AK5: variants seen among roughly 807,000 people sequenced by gnomAD.
The protein encoded by AK5 is adenylate kinase 5, also known as adenylate kinase isoenzyme 5.
In AK5, 27 loss-of-function variants were observed where a neutral mutation model predicts 69.5. The observed-to-expected ratio is 0.39, with a 90% CI of 0.29 to 0.54. The LOEUF is 0.54. Among genes scored for constraint, AK5 ranks in the 20% least tolerant of loss-of-function variants. The pLI, the probability that AK5 is intolerant of heterozygous loss-of-function variation, is 0.71. For synonymous variants in AK5, 260 were observed against 244.4 expected, an observed-to-expected ratio of 1.06 and a Z score of -0.60; for missense variants, 531 against 700.4, an observed-to-expected ratio of 0.76 and a Z score of 2.73.
At chr1:77,360,348 T>C (rs535212899) in intron 6 of AK5, among the ~76,000 whole-genome samples, 2 of 152,276 alleles carry the variant, frequency 1.3e-5, no homozygotes, top group South Asian at 2.1e-4. Context: ...CTGTCCAAAG[T>C]TGCTTCTCTG....
intron 10 of AK5, among the ~76,000 whole-genome samples, chr1:77,496,615 G>C (rs1416449196): frequency 6.6e-6 from 1 of 152,120 alleles, no homozygotes; most frequent in Non-Finnish European, 1.5e-5. Context: ...GTGAATGAAA[G>C]GACCTGAGCA....
At chr1:77,370,699 G>A (rs1227275516) in intron 6 of AK5, among the ~76,000 whole-genome samples, 2 of 152,148 alleles carry the variant, frequency 1.3e-5, no homozygotes, top group Admixed American at 1.3e-4. Flanking sequence ...AGAGTGGAAG[G>A]AAAGAAGTCT....
At position 77,282,918 on chromosome 1, in the gene AK5, C is replaced by A; in HGVS notation, c.60+545C>A. On this transcript the variant is annotated intron_variant, in intron 1 of 13. Transcript: ENST00000354567. ...CCCAACCTATCAAGTGCCACCTCCC[C>A]GGTGACAGGCCCCCAGCCTTGCTCT... is the stretch of plus-strand genomic sequence containing the variant. 8 of 985,990 alleles carry A rather than the reference C, an allele frequency of 8.1e-6. No homozygotes were observed. The South Asian group carries it at 3.8e-4, about 46-fold the overall frequency. 61.1% of individuals were successfully genotyped at this position (985,990 alleles called of 1,614,324 possible).
chr1:77,414,499 T>C (rs559809220), intron 7 of AK5, among the ~76,000 whole-genome samples: 1 of 152,228 alleles, frequency 6.6e-6, no homozygotes, highest in East Asian at 1.9e-4. Flanking sequence ...AGTAATATGG[T>C]TAGCCTCTGG....
At chr1:77,553,086 T>A (rs1002658109) in intron 13 of AK5, among the ~76,000 whole-genome samples, 7 of 152,218 alleles carry the variant, frequency 4.6e-5, no homozygotes, top group African/African-American at 1.7e-4. Flanking sequence ...TTAATAGTGT[T>A]AAAAGACACA....
chr1:77,325,041 C>T (rs534431894), intron 5 of AK5, among the ~76,000 whole-genome samples: 1 of 147,332 alleles, frequency 6.8e-6, no homozygotes, highest in Non-Finnish European at 1.5e-5. Flanking sequence ...GGTGCAATCT[C>T]GGCTCACTAC....
intron 6 of AK5, among the ~76,000 whole-genome samples, chr1:77,365,848 CTT>C (rs141028451): frequency 9.2e-4 from 140 of 152,270 alleles, no homozygotes; most frequent in African/African-American, 3.3e-3. Flanking sequence ...TCTTTTATCT[CTT>C]TTGTAATTCT....
At chr1:77,300,029 A>G (rs1208154529) in intron 5 of AK5, among the ~76,000 whole-genome samples, 1 of 152,164 alleles carries the variant, frequency 6.6e-6, no homozygotes, top group African/African-American at 2.4e-5. Context: ...ACTTTAACAT[A>G]TATCTGCTGT....
intron 10 of AK5, among the ~76,000 whole-genome samples, chr1:77,507,617 AAG>A (rs1291364275): frequency 6.6e-6 from 1 of 152,202 alleles, no homozygotes; most frequent in Non-Finnish European, 1.5e-5. Context: ...TCTCATCTGC[AAG>A]AGAGAGGTAT....
intron 6 of AK5, among the ~76,000 whole-genome samples, chr1:77,367,805 A>ATATATGTTATATATATTATATAT (rs1553139983): frequency 0.016 from 133 of 8,482 alleles, 39 homozygotes; most frequent in Non-Finnish European, 0.024. Flanking sequence ...GTTATATATA[A>ATATATGTTATATATATTATATAT]TATATGTTAT....
At chr1:77,381,699 G>A (rs1014464801) in intron 6 of AK5, among the ~76,000 whole-genome samples, 3 of 151,946 alleles carry the variant, frequency 2.0e-5, no homozygotes, top group African/African-American at 7.3e-5. Context: ...AAATATTTGG[G>A]GTTCCCAGGT....
intron 1 of AK5, chr1:77,282,578 C>T: frequency 7.4e-7 from 1 of 1,351,254 alleles, no homozygotes. Flanking sequence ...GGCTTAGAAG[C>T]CTGCATCTCA....
At chr1:77,485,435 A>G (rs1405283549) in intron 9 of AK5, among the ~76,000 whole-genome samples, 1 of 152,214 alleles carries the variant, frequency 6.6e-6, no homozygotes, top group Non-Finnish European at 1.5e-5. Flanking sequence ...TCACTAAAAA[A>G]TGTTTCCTGT....
intron 10 of AK5, among the ~76,000 whole-genome samples, chr1:77,516,845 G>A (rs1657673613): frequency 6.6e-6 from 1 of 152,112 alleles, no homozygotes; most frequent in Admixed American, 6.6e-5. Context: ...TGAGGCGGGT[G>A]CATCACTTGA....
chr1:77,310,505 G>C (rs1004686403), intron 5 of AK5, among the ~76,000 whole-genome samples: 1 of 151,732 alleles, frequency 6.6e-6, no homozygotes, highest in Non-Finnish European at 1.5e-5. Flanking sequence ...TCAGCCTCCC[G>C]AGTAGCTGGG....
intron 8 of AK5, among the ~76,000 whole-genome samples, chr1:77,421,846 C>T (rs960682971): frequency 6.6e-6 from 1 of 152,156 alleles, no homozygotes; most frequent in African/African-American, 2.4e-5. Flanking sequence ...CTGACCATGG[C>T]CCCTTCTCTC....
In AK5 at chr1:77,332,095, T is replaced by TGA. The variant is rs1407392322; in HGVS notation, c.700-8281_700-8280insAG. Reference sequence around the variant, plus strand: ...GTAGGACTACAGACATGCACTATCATGTCCCACTGAAATCTGTTCATTTTA... The same window carrying TGA: ...GTAGGACTACAGACATGCACTATCATGAGTCCCACTGAAATCTGTTCATTTTA... On this transcript the variant is annotated intron_variant, in intron 5 of 13. Transcript: ENST00000354567. Among the ~76,000 whole-genome samples the TGA allele has an allele frequency of 3.3e-5, 5 of 152,320 alleles. No individual in the cohort carries two copies. In the East Asian group the frequency reaches 9.6e-4, roughly 29 times the overall value.
At position 77,455,847 on chromosome 1, in the gene AK5, A is replaced by C. The variant is rs143939991; in HGVS notation, c.1060-27470A>C. Among the ~76,000 whole-genome samples, 1,313 of 152,260 alleles carry C rather than the reference A, an allele frequency of 8.6e-3. 14 individuals are homozygous for C. Among genetic ancestry groups the C allele is most frequent in the African/African-American group, 0.03 (1,238 of 41,544 alleles). ...TTTGAAATCTCCCCAGGTGATTGTAATGTGTGTCTGGCATGAGACCCACTG... is the reference window on the plus strand; with the variant it reads ...TTTGAAATCTCCCCAGGTGATTGTACTGTGTGTCTGGCATGAGACCCACTG... On this transcript the variant is annotated intron_variant, in intron 8 of 13. Coordinates refer to ENST00000354567, the MANE Select transcript of AK5 (RefSeq NM_174858.3).
At chr1:77,385,740 AAT>A (rs1158633869) in intron 6 of AK5, among the ~76,000 whole-genome samples, 1 of 152,210 alleles carries the variant, frequency 6.6e-6, no homozygotes, top group African/African-American at 2.4e-5. Flanking sequence ...TCTTCAGAGA[AAT>A]ATGAGAAAGT....
Sources: allele counts gnomAD v4.1 joint callset (sites outside exome capture counted in the v4.1 genomes callset), GRCh38; gene constraint gnomAD v4.1.1; transcripts MANE v1.5; gene names NCBI Gene and HGNC (gene_info 2026-07-23, HGNC 2026-07-21).